Variants in PARVB observed in about 807,000 individuals in gnomAD.
The protein encoded by PARVB is parvin beta.
A neutral mutation model predicts 47.0 loss-of-function variants in PARVB; 46 were observed. The observed-to-expected ratio is 0.98, with a 90% CI of 0.77 to 1.25. The LOEUF is 1.25. Ranked by LOEUF, PARVB falls within the 50% of genes most tolerant of loss-of-function variation. The pLI, the probability that PARVB is intolerant of heterozygous loss-of-function variation, is 0.00. For synonymous variants in PARVB, 196 were observed against 196.3 expected (o/e 1.00, Z 0.01); for missense variants, 473 against 471.6 (o/e 1.00, Z -0.03).
intron 3 of PARVB, among the ~76,000 whole-genome samples, chr22:44,101,510 G>C (rs1395855948): frequency 6.6e-6 from 1 of 152,054 alleles, no homozygotes; most frequent in South Asian, 2.1e-4. Context: ...AGTACTTTGG[G>C]AGGCCAAGGC....
At chr22:44,082,220 GA>G (rs1373295024) in intron 1 of PARVB, among the ~76,000 whole-genome samples, 3 of 152,162 alleles carry the variant, frequency 2.0e-5, no homozygotes, top group African/African-American at 7.2e-5. Flanking sequence ...CAATTGAAGG[GA>G]GGAATTAAAG....
At chr22:44,158,742 C>T (rs759016818) in intron 11 of PARVB, among the ~76,000 whole-genome samples, 1 of 152,208 alleles carries the variant, frequency 6.6e-6, no homozygotes, top group Non-Finnish European at 1.5e-5. Flanking sequence ...CAGGGCTTCC[C>T]GCAGCCAAGC....
chr22:44,162,136 G>A (rs1254393671), intron 11 of PARVB, among the ~76,000 whole-genome samples: 1 of 152,222 alleles, frequency 6.6e-6, no homozygotes, highest in Non-Finnish European at 1.5e-5. Flanking sequence ...CACAGGCCGT[G>A]TGCACTGTGG....
chr22:44,096,157 G>A (rs62227661), intron 2 of PARVB, among the ~76,000 whole-genome samples: 3,211 of 152,296 alleles, frequency 0.021, 51 homozygotes, highest in Middle Eastern at 0.062. Context: ...TCCAGGAGGC[G>A]GAGGTTGCAG....
chr22:43,999,420 T>A, intron 1 of PARVB: 1 of 1,606,598 alleles, frequency 6.2e-7, no homozygotes, highest in Non-Finnish European at 8.5e-7. Context: ...TGGTGAGCTG[T>A]GATTTAAACA....
chr22:44,082,298 C>T (rs964707915), intron 1 of PARVB, among the ~76,000 whole-genome samples: 1 of 152,152 alleles, frequency 6.6e-6, no homozygotes, highest in African/African-American at 2.4e-5. Context: ...GCAGGTGGAT[C>T]ACTTGAAATC....
chr22:44,017,278 T>A (rs1211031162), intron 2 of PARVB, among the ~76,000 whole-genome samples: 5 of 152,050 alleles, frequency 3.3e-5, no homozygotes, highest in Non-Finnish European at 7.3e-5. Context: ...GACAAAGAGG[T>A]GCAAGGAAAA....
chr22:44,078,870 G>A (rs2285107), intron 1 of PARVB, among the ~76,000 whole-genome samples: 16,946 of 152,142 alleles, frequency 0.11, 1,207 homozygotes, highest in East Asian at 0.18. Context: ...GATTACAGGC[G>A]CAGACCACCA....
At chr22:44,153,720 G>A (rs1359195838) in intron 10 of PARVB, 1 of 152,116 alleles carries the variant, frequency 6.6e-6, no homozygotes, top group African/African-American at 2.4e-5. Context: ...GCATCTTTTG[G>A]TGTAAGAGAA....
intron 7 of PARVB, among the ~76,000 whole-genome samples, chr22:44,136,960 G>A (rs781485437): frequency 7.9e-5 from 12 of 152,204 alleles, no homozygotes; most frequent in Non-Finnish European, 1.6e-4. Flanking sequence ...AAGCCAGAGG[G>A]CAGGTGTTCA....
chr22:44,000,406 G>T (rs2050402365), intron 2 of PARVB, among the ~76,000 whole-genome samples: 1 of 152,216 alleles, frequency 6.6e-6, no homozygotes, highest in South Asian at 2.1e-4. Context: ...TGAATATGAG[G>T]CACAGTCCCC....
intron 3 of PARVB, chr22:44,112,194 A>G (rs2052714557): frequency 6.6e-6 from 1 of 152,296 alleles, no homozygotes; most frequent in Non-Finnish European, 1.5e-5. Context: ...TGGCCAGAGC[A>G]AGTTCCCGGG....
At chr22:44,099,928 C>A in intron 2 of PARVB, 125 bp from the exon 3 acceptor site, 1 of 754,186 alleles carries the variant, frequency 1.3e-6, no homozygotes. Context: ...TCCTTGCAGT[C>A]ACCCTCCCCT....
intron 6 of PARVB, among the ~76,000 whole-genome samples, chr22:44,135,839 C>T (rs2053430731): frequency 1.3e-5 from 2 of 152,166 alleles, no homozygotes; most frequent in African/African-American, 4.8e-5. Flanking sequence ...CACATCTCTC[C>T]AGTCTCTGCC....
chr22:44,010,105 C>G (rs1035543950), intron 2 of PARVB, among the ~76,000 whole-genome samples: 1 of 152,154 alleles, frequency 6.6e-6, no homozygotes, highest in African/African-American at 2.4e-5. Flanking sequence ...TGCGCCCGTC[C>G]CCATATGAAT....
At chr22:44,032,735 C>T (rs2050847792) in intron 1 of PARVB, among the ~76,000 whole-genome samples, 1 of 152,172 alleles carries the variant, frequency 6.6e-6, no homozygotes, top group African/African-American at 2.4e-5. Flanking sequence ...GTACGTGGTA[C>T]AGCAGAAGTG....
At chr22:43,999,932 A>G (rs1319787179) in intron 2 of PARVB, among the ~76,000 whole-genome samples, 1 of 150,154 alleles carries the variant, frequency 6.7e-6, no homozygotes, top group Non-Finnish European at 1.5e-5. Context: ...ACTTGAGCCC[A>G]GGAGGTTAAG....
intron 3 of PARVB, chr22:44,104,475 G>A (rs538357402): frequency 6.5e-6 from 1 of 152,750 alleles, no homozygotes; most frequent in East Asian, 1.9e-4. Context: ...GGTGGCAGCA[G>A]GTGAGTTGGC....
At position 44,094,018 on chromosome 22, in the gene PARVB, G is replaced by T. The variant is rs993530980; in HGVS notation, c.202+1G>T. 3.2e-6 allele frequency: 5 copies of T among 1,578,092 alleles called. No homozygotes were observed. The highest frequency in any genetic ancestry group is 4.4e-6 in the Non-Finnish European group (5 of 1,149,090). ...GTTCACCCTGAAGACACCCAGCTTGGTACGGGGGTTCCTCCGCTCCCTGCC... is the reference window on the plus strand; with the variant it reads ...GTTCACCCTGAAGACACCCAGCTTGTTACGGGGGTTCCTCCGCTCCCTGCC... On this transcript the variant is annotated splice_donor_variant, in intron 2 of 12. Coordinates refer to ENST00000338758, the MANE Select transcript of PARVB (RefSeq NM_013327.5). LOFTEE classifies it high-confidence loss of function.
Sources: allele counts gnomAD v4.1 joint callset (sites outside exome capture counted in the v4.1 genomes callset), GRCh38; gene constraint gnomAD v4.1.1; transcripts MANE v1.5; gene names NCBI Gene and HGNC (gene_info 2026-07-23, HGNC 2026-07-21).